Variants in HRH1 observed in about 807,000 individuals in gnomAD.
The protein encoded by HRH1 is histamine receptor H1.
In HRH1, 6 loss-of-function variants were observed where a neutral mutation model predicts 10.3. The observed-to-expected ratio is 0.58, with a 90% CI of 0.32 to 1.15. The LOEUF (loss-of-function observed/expected upper bound fraction) is 1.15, where lower values mean the gene tolerates loss of function less well. Among genes scored for constraint, HRH1 ranks in the 50% most tolerant of loss-of-function variants. The probability of loss-of-function intolerance (pLI) is 0.05; values close to 1 mark genes in which losing one functional copy is unlikely to be tolerated. For synonymous variants in HRH1, 242 were observed against 236.7 expected, an observed-to-expected ratio of 1.02 and a Z score of -0.21; for missense variants, 514 against 615.3, an observed-to-expected ratio of 0.84 and a Z score of 1.74.
chr3:11,193,237 C>A (rs1937582417), intron 1 of HRH1, among the ~76,000 whole-genome samples: 1 of 152,226 alleles, frequency 6.6e-6, no homozygotes, highest in Admixed American at 6.5e-5. Context: ...CTCTTTTTCT[C>A]CTCTCCTAAG....
Position 11,181,878 on chromosome 3 carries a change from G to A in HRH1, c.-36+27324G>A, listed in dbSNP as rs372129778. ...GATCTCCTGACCTCGTGATCCTCCCGCCTTGGCTTCCCAAAGTGCTGGGAT... is the reference window on the plus strand; with the variant it reads ...GATCTCCTGACCTCGTGATCCTCCCACCTTGGCTTCCCAAAGTGCTGGGAT... On this transcript the variant is annotated intron_variant, in intron 1 of 1. Coordinates refer to ENST00000431010, the MANE Select transcript of HRH1 (RefSeq NM_001098212.2). Among the ~76,000 whole-genome samples, 12 of 152,048 alleles carry A rather than the reference G, an allele frequency of 7.9e-5. No homozygotes were observed. The East Asian group carries it at 1.7e-3, about 22-fold the overall frequency.
At chr3:11,197,964 C>T (rs1006527035) in intron 1 of HRH1, among the ~76,000 whole-genome samples, 6 of 152,098 alleles carry the variant, frequency 3.9e-5, no homozygotes, top group Admixed American at 6.5e-5. Flanking sequence ...CTGGGAAATG[C>T]GGAGGCTGCG....
At chr3:11,154,319 C>G (rs548892811), upstream of HRH1, among the ~76,000 whole-genome samples, 210 of 151,912 alleles carry the variant, frequency 1.4e-3, 1 homozygote, top group Non-Finnish European at 1.7e-3. The surrounding 1 kb of genome is among the most constrained non-coding windows in gnomAD (Gnocchi z 4.4). Context: ...CTCGCGCCCC[C>G]TCTCTCCGCG....
At chr3:11,212,356 T>C (rs115848673) in intron 1 of HRH1, among the ~76,000 whole-genome samples, 1 of 152,354 alleles carries the variant, frequency 6.6e-6, no homozygotes, top group Non-Finnish European at 1.5e-5. Context: ...GGCACAATTT[T>C]CATTTCTCTC....
intron 1 of HRH1, among the ~76,000 whole-genome samples, chr3:11,232,053 G>A (rs1939057302): frequency 6.6e-6 from 1 of 150,766 alleles, no homozygotes; most frequent in Non-Finnish European, 1.5e-5. Flanking sequence ...GTGCAATGGT[G>A]CAATCTTGGC....
At chr3:11,159,831 C>T (rs928235113) in intron 1 of HRH1, among the ~76,000 whole-genome samples, 3 of 152,254 alleles carry the variant, frequency 2.0e-5, no homozygotes, top group South Asian at 2.1e-4. Flanking sequence ...TGGATGCTAA[C>T]GTGGAGGGTA....
At chr3:11,198,084 C>CTA in intron 1 of HRH1, among the ~76,000 whole-genome samples, 1 of 152,160 alleles carries the variant, frequency 6.6e-6, no homozygotes, top group Middle Eastern at 3.2e-3. Flanking sequence ...AGTCATCTAC[C>CTA]TCCTTTCACT....
intron 1 of HRH1, among the ~76,000 whole-genome samples, chr3:11,256,346 G>A (rs903706358): frequency 3.3e-5 from 5 of 152,184 alleles, no homozygotes; most frequent in Non-Finnish European, 5.9e-5. Context: ...CACATGAGAA[G>A]ATGGAGGCCA....
intron 1 of HRH1, among the ~76,000 whole-genome samples, chr3:11,193,582 G>C (rs550161691): frequency 2.0e-5 from 3 of 152,100 alleles, no homozygotes; most frequent in Non-Finnish European, 4.4e-5. Flanking sequence ...TGGTGGGAAG[G>C]GTGTCTTAGT....
chr3:11,241,989 G>C (rs1177183529), intron 1 of HRH1, among the ~76,000 whole-genome samples: 1 of 152,136 alleles, frequency 6.6e-6, no homozygotes, highest in African/African-American at 2.4e-5. Flanking sequence ...GTAGCCAATA[G>C]TGGGGACGAC....
At chr3:11,149,340 C>T (rs1000643922) in intron 1 of HRH1, among the ~76,000 whole-genome samples, 1 of 152,232 alleles carries the variant, frequency 6.6e-6, no homozygotes, top group Non-Finnish European at 1.5e-5. Context: ...TAGAAGCCCA[C>T]TGTACATACC....
At chr3:11,138,859 G>C (rs570204842) in intron 1 of HRH1, among the ~76,000 whole-genome samples, 14 of 151,470 alleles carry the variant, frequency 9.2e-5, no homozygotes, top group Admixed American at 2.6e-4. Flanking sequence ...ATTTTTTATA[G>C]AGACAGGGTT....
chr3:11,187,488 G>C (rs970267036), intron 1 of HRH1, among the ~76,000 whole-genome samples: 1 of 151,998 alleles, frequency 6.6e-6, no homozygotes, highest in African/African-American at 2.4e-5. Context: ...CAACGTTACT[G>C]AGCCCATTCT....
In HRH1 at chr3:11,238,036, CTTTGTTTGTTTG is replaced by C. The variant is rs34450745; in HGVS notation, c.-35-20947_-35-20936del. Reference sequence around the variant, plus strand: ...AACTGAGCTGGGCTTTTAATGCTGCCTTTGTTTGTTTGTTTGTTTGTTTGTTTGTTTTGCCAT... The same window carrying C: ...AACTGAGCTGGGCTTTTAATGCTGCCTTTGTTTGTTTGTTTGTTTTGCCAT... On this transcript the variant is annotated intron_variant, in intron 1 of 1. Transcript: ENST00000431010. 3.1e-4 allele frequency among the ~76,000 whole-genome samples: 47 copies of C among 150,698 alleles called. 2 individuals are homozygous for C. In the Middle Eastern group the frequency reaches 0.017, roughly 55 times the overall value.
At chr3:11,175,170 T>G (rs1161260572) in intron 1 of HRH1, among the ~76,000 whole-genome samples, 3 of 152,176 alleles carry the variant, frequency 2.0e-5, no homozygotes, top group Non-Finnish European at 4.4e-5. Flanking sequence ...ACAACAAAAA[T>G]AATCATGATA....
intron 1 of HRH1, 122 bp from the exon 2 acceptor site, chr3:11,258,881 A>G (rs1284959278): frequency 1.6e-6 from 1 of 627,152 alleles, no homozygotes; most frequent in African/African-American, 1.8e-5. Context: ...GCTATTGAGT[A>G]GGTAACCAGC....
At chr3:11,175,059 G>A (rs1937224256) in intron 1 of HRH1, among the ~76,000 whole-genome samples, 1 of 152,164 alleles carries the variant, frequency 6.6e-6, no homozygotes, top group African/African-American at 2.4e-5. Context: ...TGCTGAGCTA[G>A]GATACAGTAG....
intron 1 of HRH1, among the ~76,000 whole-genome samples, chr3:11,257,305 C>A (rs1939807156): frequency 6.7e-6 from 1 of 150,186 alleles, no homozygotes; most frequent in Non-Finnish European, 1.5e-5. Flanking sequence ...CCTGTAATCC[C>A]AGCACTTTGG....
At chr3:11,156,742 T>G (rs1936810687) in intron 1 of HRH1, among the ~76,000 whole-genome samples, 1 of 152,196 alleles carries the variant, frequency 6.6e-6, no homozygotes, top group African/African-American at 2.4e-5. Flanking sequence ...AGTGGTGCCA[T>G]GTAATAGCTA....
Sources: gnomAD v4.1 joint callset for allele counts (sites outside exome capture counted in the v4.1 genomes callset) on GRCh38, gnomAD v4.1.1 for gene constraint, Gnocchi (gnomAD v3.1) non-coding constraint, MANE v1.5 for transcripts, NCBI Gene and HGNC (gene_info 2026-07-23, HGNC 2026-07-21) for gene names.